The following OTOG variants were observed in gnomAD, a reference collection of about 807,000 sequenced individuals.
The protein encoded by OTOG is otogelin.
Under a neutral mutation model 313.8 loss-of-function variants are expected in OTOG, and 296 were observed. The ratio of observed to expected loss-of-function variants is 0.94; its 90% CI spans 0.86 to 1.04. The LOEUF is 1.04. Among genes scored for constraint, OTOG ranks in the 50% least tolerant of loss-of-function variants. The pLI, the probability that OTOG is intolerant of heterozygous loss-of-function variation, is 0.00. For missense variants in OTOG, 3,948 were observed against 3,840.1 expected, an observed-to-expected ratio of 1.03 and a Z score of -0.74; for synonymous variants, 1,533 against 1,554.9, an observed-to-expected ratio of 0.99 and a Z score of 0.33.
Position 17,576,494 on chromosome 11 carries a change from T to C in OTOG, c.2487-62T>C, listed in dbSNP as rs1022578942. On this transcript the variant is annotated intron_variant, in intron 20 of 55. Coordinates refer to ENST00000399397, the MANE Select transcript of OTOG (RefSeq NM_001292063.2). ...TTGGCTGAGGGTGGGGTCCCTGTCCTTGGCAGTCTCTGCCCTAGCTCCTGA... is the reference window on the plus strand; with the variant it reads ...TTGGCTGAGGGTGGGGTCCCTGTCCCTGGCAGTCTCTGCCCTAGCTCCTGA... The C allele has an allele frequency of 5.7e-6, 8 of 1,395,862 alleles. No homozygotes were observed. The South Asian group carries it at 8.7e-5, about 15-fold the overall frequency. The allele number at this position is 1,395,862 out of a possible 1,614,324, so 86.5% of individuals were successfully genotyped here. A position where few individuals can be genotyped will look rare whatever the true frequency, so the allele number is the denominator to read the frequency against.
At chr11:17,633,032 A>AT (rs367546991) in intron 42 of OTOG, among the ~76,000 whole-genome samples, 48 of 152,272 alleles carry the variant, frequency 3.2e-4, no homozygotes, top group African/African-American at 1.2e-3. Flanking sequence ...TGTAAAAGAG[A>AT]TTTTTTATTT....
At chr11:17,570,070 T>A (rs1221651531) in intron 16 of OTOG, 143 bp from the exon 17 acceptor site, 1 of 720,388 alleles carries the variant, frequency 1.4e-6, no homozygotes, top group East Asian at 2.7e-5. Context: ...ACCAGCTTCA[T>A]GGCAGGCACG....
chr11:17,630,520 G>C (rs781201724), intron 40 of OTOG, among the ~76,000 whole-genome samples: 1 of 152,248 alleles, frequency 6.6e-6, no homozygotes, highest in Non-Finnish European at 1.5e-5. Flanking sequence ...TGTTAGAACA[G>C]AAGTCAGATC....
At chr11:17,550,676 A>T (rs564700097) in intron 3 of OTOG, among the ~76,000 whole-genome samples, 6 of 151,830 alleles carry the variant, frequency 4.0e-5, no homozygotes, top group African/African-American at 1.5e-4. Flanking sequence ...TGGCTAAAGG[A>T]TGCGAGTTGT....
Position 17,561,205 on chromosome 11 carries a change from C to T in OTOG, c.1498+68C>T, listed in dbSNP as rs573257968. The T allele has an allele frequency of 3.4e-5, 51 of 1,521,398 alleles. No homozygotes were observed. In the African/African-American group the frequency reaches 6.8e-4, roughly 20 times the overall value. 94.2% of individuals were successfully genotyped at this position (1,521,398 alleles called of 1,614,324 possible). On this transcript the variant is annotated intron_variant, in intron 14 of 55. Coordinates refer to ENST00000399397, the MANE Select transcript of OTOG (RefSeq NM_001292063.2). ...TCTGATAGGTTTTGGGGCAAGGAATCTCTGGGGGCCAGGCTTGCTGCGGGT... is the reference window on the plus strand; with the variant it reads ...TCTGATAGGTTTTGGGGCAAGGAATTTCTGGGGGCCAGGCTTGCTGCGGGT...
At chr11:17,641,780 C>G in intron 51 of OTOG, 67 bp from the exon 52 acceptor site, 1 of 1,184,120 alleles carries the variant, frequency 8.4e-7, no homozygotes, top group Non-Finnish European at 1.2e-6. Flanking sequence ...TCACAGATAA[C>G]CAGGCAGTGG....
In OTOG at chr11:17,602,278, G is replaced by T; in HGVS notation, c.3778G>T (p.Val1260Leu). The change falls in exon 32 of 56, where the codon GTG becomes TTG. Residue 1260 changes from valine to leucine, a missense_variant. By Grantham distance (32) the Val-to-Leu change is conservative. Transcript: ENST00000399397. ...TGGTGCTCTGGTGGGCATGAAGGCG[G>T]TGGGCGATGACATAGTCCTAGTGAG... ...AGGALVGMKAVGDDIVLVRTE... is the reference protein window; with the variant it reads ...AGGALVGMKALGDDIVLVRTE... 6.4e-7 allele frequency: 1 copy of T among 1,550,640 alleles called. No individual in the cohort carries two copies. The highest frequency in any genetic ancestry group is 1.2e-5 in the South Asian group (1 of 84,056).
chr11:17,555,781 A>C lies in OTOG; in HGVS notation c.543A>C (p.Val181=). 1.3e-6 allele frequency: 2 copies of C among 1,550,052 alleles called. No homozygotes were observed. The highest frequency in any genetic ancestry group is 1.7e-6 in the Non-Finnish European group (2 of 1,146,836). The change falls in exon 7 of 56, where the codon GTA becomes GTC. Residue 181 remains valine (V), a splice_region_variant and synonymous_variant. Coordinates refer to ENST00000399397, the MANE Select transcript of OTOG (RefSeq NM_001292063.2). ...EPEGQSFSIQ[V]HNDPQCGSSP... is the part of the protein sequence containing the mutation. The stretch of plus-strand genomic sequence containing the variant: ...CAGCCTCTGAACTCCCTACTCAGGT[A>C]CACAATGACCCGCAGTGTGGCTCTT...
Position 17,569,149 on chromosome 11 carries a change from T to C in OTOG, c.1645-7T>C. Reference sequence around the variant, plus strand: ...ACACTGCCCCATTGACCTTTCTATCTCTCCAGAACCAAGATGGAGCCTGTG... The same window carrying C: ...ACACTGCCCCATTGACCTTTCTATCCCTCCAGAACCAAGATGGAGCCTGTG... On this transcript the variant is annotated splice_region_variant and splice_polypyrimidine_tract_variant and intron_variant, in intron 15 of 55. Transcript: ENST00000399397. 1 of 1,550,552 alleles carries C rather than the reference T, an allele frequency of 6.4e-7. No individual in the cohort carries two copies. Among genetic ancestry groups the C allele is most frequent in the Non-Finnish European group, 8.7e-7 (1 of 1,146,996 alleles).
intron 22 of OTOG, among the ~76,000 whole-genome samples, chr11:17,577,189 G>A (rs183052419): frequency 6.6e-6 from 1 of 152,308 alleles, no homozygotes; most frequent in Non-Finnish European, 1.5e-5. Context: ...GGGCAACCAC[G>A]TTGGGTGTCT....
intron 25 of OTOG, 47 bp downstream of exon 25, chr11:17,591,635 C>G (rs1323837253): frequency 1.3e-6 from 2 of 1,545,948 alleles, no homozygotes; most frequent in Non-Finnish European, 1.7e-6. Context: ...GCACAGCTGT[C>G]AGGGCACTCT....
rs1488432436 is a variant in OTOG at position 17,609,938 on chromosome 11, G to T, written c.4638G>T (p.Thr1546=). The change falls in exon 36 of 56, where the codon ACG becomes ACT. Residue 1546 remains threonine, a synonymous_variant. Coordinates refer to ENST00000399397, the MANE Select transcript of OTOG (RefSeq NM_001292063.2). Reference sequence around the variant, plus strand: ...CATCTCAACTCCCCGCCGGCCCCACGGAGTCCCCAGCCAGCAAGGGAGTGA... The same window carrying T: ...CATCTCAACTCCCCGCCGGCCCCACTGAGTCCCCAGCCAGCAAGGGAGTGA... ...LTASQLPAGP[T]ESPASKGVTA... 4.6e-6 allele frequency: 7 copies of T among 1,535,612 alleles called. No homozygotes were observed. Among genetic ancestry groups the T allele is most frequent in the Non-Finnish European group, 5.3e-6 (6 of 1,138,264 alleles).
At chr11:17,640,437 C>T (rs1368021934) in intron 49 of OTOG, among the ~76,000 whole-genome samples, 2 of 152,190 alleles carry the variant, frequency 1.3e-5, no homozygotes, top group African/African-American at 2.4e-5. Flanking sequence ...CACACATTTC[C>T]TCTCACTCTG....
intron 32 of OTOG, 80 bp downstream of exon 32, chr11:17,602,457 A>G: frequency 7.0e-7 from 1 of 1,431,402 alleles, no homozygotes; most frequent in Non-Finnish European, 9.3e-7. Context: ...TGAGGCCCTA[A>G]GTATCTGTAG....
chr11:17,548,099 G>A lies in OTOG; in HGVS notation c.156-53G>A, dbSNP rs1383181991. ...GTGGGATAGGCCAGGGGACTGCGGG[G>A]AGGCATAACCCATCCTAGCCCCCCA... On this transcript the variant is annotated intron_variant, in intron 2 of 55. Transcript: ENST00000399397. The A allele has an allele frequency of 2.0e-6, 3 of 1,516,552 alleles. No homozygotes were observed. In the Admixed American group the frequency reaches 6.2e-5, roughly 31 times the overall value. The allele number at this position is 1,516,552 out of a possible 1,614,324, so 93.9% of individuals were successfully genotyped here. A position where few individuals can be genotyped will look rare whatever the true frequency, so the allele number is the denominator to read the frequency against.
intron 19 of OTOG, among the ~76,000 whole-genome samples, chr11:17,574,343 T>C (rs1852469923): frequency 6.6e-6 from 1 of 151,962 alleles, no homozygotes; most frequent in Non-Finnish European, 1.5e-5. Context: ...TCCACACACT[T>C]GGGCTCATGC....
intron 23 of OTOG, among the ~76,000 whole-genome samples, chr11:17,580,541 C>G (rs1565102108): frequency 1.3e-5 from 2 of 152,200 alleles, no homozygotes; most frequent in Non-Finnish European, 2.9e-5. Context: ...ATGCTCTTCC[C>G]CATGATGGGC....
intron 39 of OTOG, among the ~76,000 whole-genome samples, chr11:17,623,117 T>C (rs1051707367): frequency 5.9e-5 from 9 of 152,216 alleles, no homozygotes; most frequent in African/African-American, 2.2e-4. Context: ...TTCATATGCC[T>C]GTTTGCCATT....
chr11:17,582,835 T>G lies in OTOG; in HGVS notation c.2760-3639T>G, dbSNP rs184868273. Among the ~76,000 whole-genome samples the G allele has an allele frequency of 1.4e-3, 218 of 152,298 alleles. 1 individual carries two copies. Among genetic ancestry groups the G allele is most frequent in the Middle Eastern group, 6.8e-3 (2 of 294 alleles). ...TTTATTTGATTGAGTTGTAAAAATT[T>G]TTTATGTATTTTAGATACAAGTCCT... On this transcript the variant is annotated intron_variant, in intron 23 of 55. Transcript: ENST00000399397.
Sources: allele counts gnomAD v4.1 joint callset (sites outside exome capture counted in the v4.1 genomes callset), GRCh38; gene constraint gnomAD v4.1.1; transcripts MANE v1.5; gene names NCBI Gene and HGNC (gene_info 2026-07-23, HGNC 2026-07-21).